The following TUSC3 variants were observed in gnomAD, a reference collection of about 807,000 sequenced individuals.
TUSC3 encodes the protein tumor suppressor candidate 3, also known as dolichyl-diphosphooligosaccharide--protein glycosyltransferase subunit TUSC3.
Under a neutral mutation model 44.8 loss-of-function variants are expected in TUSC3, and 45 were observed. The observed-to-expected ratio is 1.00, with a 90% CI of 0.79 to 1.29. TUSC3 has a LOEUF of 1.29. Ranked by LOEUF, TUSC3 falls within the 50% of genes most tolerant of loss-of-function variation. TUSC3 has a pLI of 0.00. For missense variants in TUSC3, 519 were observed against 437.9 expected, an observed-to-expected ratio of 1.19 and a Z score of -1.65; for synonymous variants, 212 against 152.9, an observed-to-expected ratio of 1.39 and a Z score of -2.85.
chr8:15,670,650 A>C (rs1277087761), intron 5 of TUSC3, among the ~76,000 whole-genome samples: 1 of 151,908 alleles, frequency 6.6e-6, no homozygotes, highest in Non-Finnish European at 1.5e-5. Context: ...ACAGAACATA[A>C]GAAGTGGTAA....
At chr8:15,678,415 A>G (rs1029502901) in intron 6 of TUSC3, among the ~76,000 whole-genome samples, 7 of 152,122 alleles carry the variant, frequency 4.6e-5, no homozygotes, top group African/African-American at 1.7e-4. Flanking sequence ...GTAGATTCCA[A>G]AGGAGAGGAA....
intron 1 of TUSC3, among the ~76,000 whole-genome samples, chr8:15,422,892 C>G (rs1457771539): frequency 6.6e-6 from 1 of 152,174 alleles, no homozygotes; most frequent in Non-Finnish European, 1.5e-5. Context: ...ATCCACCCAA[C>G]TCGGCCTCCC....
chr8:15,475,845 T>G (rs535144649), intron 1 of TUSC3, among the ~76,000 whole-genome samples: 1 of 152,284 alleles, frequency 6.6e-6, no homozygotes, highest in African/African-American at 2.4e-5. Flanking sequence ...ATAGTTGCAC[T>G]AATTCTCTTC....
At chr8:15,755,510 G>A (rs760567393) in intron 9 of TUSC3, among the ~76,000 whole-genome samples, 16 of 152,010 alleles carry the variant, frequency 1.1e-4, no homozygotes, top group Non-Finnish European at 1.8e-4. Context: ...ACCTTTTGAT[G>A]AGCTTAGTTG....
chr8:15,640,586 C>T (rs1458405897), intron 2 of TUSC3, among the ~76,000 whole-genome samples: 1 of 152,134 alleles, frequency 6.6e-6, no homozygotes, highest in Non-Finnish European at 1.5e-5. Context: ...GAATAAGCCT[C>T]CCCTGCCCCT....
At chr8:15,617,618 T>G (rs1805055049) in intron 1 of TUSC3, among the ~76,000 whole-genome samples, 2 of 152,204 alleles carry the variant, frequency 1.3e-5, no homozygotes, top group African/African-American at 2.4e-5. Flanking sequence ...AGTACAGAAG[T>G]GGTAATACAT....
chr8:15,492,421 A>G (rs1482574879), intron 2 of TUSC3, among the ~76,000 whole-genome samples: 1 of 152,212 alleles, frequency 6.6e-6, no homozygotes, highest in Non-Finnish European at 1.5e-5. Flanking sequence ...GCACAGTTCT[A>G]GAAGGCAAGA....
chr8:15,502,342 C>G (rs1190104235), intron 2 of TUSC3, among the ~76,000 whole-genome samples: 1 of 152,144 alleles, frequency 6.6e-6, no homozygotes, highest in Admixed American at 6.5e-5. Context: ...ATATCATAGT[C>G]CATCTGTTCT....
chr8:15,728,179 A>G lies in TUSC3; in HGVS notation c.799-2487A>G, dbSNP rs1055059702. ...GATGTTTTTCTCACACATCTGAGAA[A>G]GCATTGAAGGGTTCTGAGCAAAGTA... On this transcript the variant is annotated intron_variant, in intron 6 of 10. Transcript: ENST00000503731. Among the ~76,000 whole-genome samples the G allele has an allele frequency of 2.0e-5, 3 of 152,206 alleles. No individual in the cohort carries two copies. In the East Asian group the frequency reaches 5.8e-4, roughly 29 times the overall value.
At chr8:15,549,032 G>A (rs1030226316) in intron 1 of TUSC3, among the ~76,000 whole-genome samples, 1 of 151,732 alleles carries the variant, frequency 6.6e-6, no homozygotes, top group Non-Finnish European at 1.5e-5. Flanking sequence ...CAAAAAAATT[G>A]TAGGAAAAAG....
chr8:15,597,732 C>G (rs1466514208), intron 1 of TUSC3, among the ~76,000 whole-genome samples: 1 of 152,058 alleles, frequency 6.6e-6, no homozygotes. Context: ...ATATCTGACA[C>G]TGGAATTAAG....
rs1199044173 is a variant in TUSC3 at position 15,765,460 on chromosome 8, C to G, written c.*1304C>G. The G allele has an allele frequency of 6.6e-6, 1 of 151,922 alleles. No individual in the cohort carries two copies. Among genetic ancestry groups the G allele is most frequent in the Non-Finnish European group, 1.5e-5 (1 of 67,906 alleles). 9.4% of individuals were successfully genotyped at this position (151,922 alleles called of 1,614,324 possible). On this transcript the variant is annotated 3_prime_UTR_variant, in exon 11 of 11. Transcript: ENST00000503731. The stretch of plus-strand genomic sequence containing the variant: ...GGAGTTCCAGCTATATAGCCTCAAA[C>G]AAGAAACGGGTGTACAACCATTGAG...
intron 1 of TUSC3, among the ~76,000 whole-genome samples, chr8:15,548,082 G>C (rs1040122044): frequency 7.3e-5 from 11 of 151,510 alleles, no homozygotes; most frequent in Admixed American, 2.0e-4. Context: ...GACCATGCTG[G>C]AACTCTGATC....
chr8:15,616,085 G>A (rs1804973953), intron 1 of TUSC3, among the ~76,000 whole-genome samples: 1 of 152,176 alleles, frequency 6.6e-6, no homozygotes, highest in South Asian at 2.1e-4. Context: ...CGATAACAGA[G>A]TAGGAAGGTA....
intron 1 of TUSC3, among the ~76,000 whole-genome samples, chr8:15,591,545 C>G (rs376497999): frequency 6.6e-6 from 1 of 152,072 alleles, no homozygotes; most frequent in Admixed American, 6.5e-5. Flanking sequence ...AAGTATCAAG[C>G]GAGTAAGCAT....
intron 1 of TUSC3, among the ~76,000 whole-genome samples, chr8:15,456,670 A>T (rs1027688242): frequency 6.6e-6 from 1 of 152,202 alleles, no homozygotes; most frequent in Non-Finnish European, 1.5e-5. Flanking sequence ...AATTCAATAA[A>T]TGAAAAAGAG....
At chr8:15,736,099 G>A (rs952298124) in intron 7 of TUSC3, among the ~76,000 whole-genome samples, 1 of 152,092 alleles carries the variant, frequency 6.6e-6, no homozygotes, top group African/African-American at 2.4e-5. Context: ...AAACAAATGT[G>A]TGTGGGGATA....
chr8:15,640,213 A>C (rs1426752797), intron 2 of TUSC3, among the ~76,000 whole-genome samples: 4 of 152,206 alleles, frequency 2.6e-5, no homozygotes, highest in African/African-American at 9.6e-5. Flanking sequence ...CTTCTTGGGC[A>C]CTGAATCTGT....
chr8:15,595,426 C>G (rs1804026623), intron 1 of TUSC3, among the ~76,000 whole-genome samples: 1 of 152,148 alleles, frequency 6.6e-6, no homozygotes, highest in South Asian at 2.1e-4. Flanking sequence ...TGTACTCTCC[C>G]TCTCTGTGCT....
Sources: gnomAD v4.1 joint callset for allele counts (sites outside exome capture counted in the v4.1 genomes callset) on GRCh38, gnomAD v4.1.1 for gene constraint, MANE v1.5 for transcripts, NCBI Gene and HGNC (gene_info 2026-07-23, HGNC 2026-07-21) for gene names.